Variants in CMTM8 observed in about 807,000 individuals in gnomAD.
The protein encoded by CMTM8 is CKLF like MARVEL transmembrane domain containing 8.
Under a neutral mutation model 18.6 loss-of-function variants are expected in CMTM8, and 12 were observed. That is an observed-to-expected ratio of 0.65 (90% CI 0.41 to 1.05). The LOEUF is 1.05. Among genes scored for constraint, CMTM8 ranks in the 50% least tolerant of loss-of-function variants. The pLI, the probability that CMTM8 is intolerant of heterozygous loss-of-function variation, is 0.00. For missense variants in CMTM8, 217 were observed against 227.2 expected (o/e 0.95, Z 0.29); for synonymous variants, 87 against 90.6 (o/e 0.96, Z 0.23).
intron 1 of CMTM8, among the ~76,000 whole-genome samples, chr3:32,297,353 A>G (rs1220054499): frequency 2.0e-5 from 3 of 151,930 alleles, no homozygotes; most frequent in South Asian, 4.2e-4. Context: ...TAATTTTTGC[A>G]TTTTTTAGTA....
At chr3:32,288,049 A>G (rs1161581875) in intron 1 of CMTM8, among the ~76,000 whole-genome samples, 1 of 152,242 alleles carries the variant, frequency 6.6e-6, no homozygotes, top group Non-Finnish European at 1.5e-5. Flanking sequence ...GGATCATAAA[A>G]CTAAAGTTCT....
At chr3:32,323,856 A>G (rs1053644289) in intron 1 of CMTM8, among the ~76,000 whole-genome samples, 2 of 152,242 alleles carry the variant, frequency 1.3e-5, no homozygotes, top group African/African-American at 4.8e-5. Context: ...AAGTTGTTGC[A>G]GAGATTAATG....
At chr3:32,264,147 G>A (rs1400378384) in intron 1 of CMTM8, among the ~76,000 whole-genome samples, 1 of 152,166 alleles carries the variant, frequency 6.6e-6, no homozygotes, top group African/African-American at 2.4e-5. Flanking sequence ...ACACATAATT[G>A]TCAGATTCAC....
At chr3:32,348,524 T>A (rs985534274) in intron 1 of CMTM8, among the ~76,000 whole-genome samples, 2 of 118,022 alleles carry the variant, frequency 1.7e-5, no homozygotes, top group Non-Finnish European at 3.6e-5. Context: ...TCTCTCTTCC[T>A]GGAACTTTTT....
At chr3:32,291,572 C>G (rs1298136649) in intron 1 of CMTM8, among the ~76,000 whole-genome samples, 1 of 152,150 alleles carries the variant, frequency 6.6e-6, no homozygotes, top group Non-Finnish European at 1.5e-5. Context: ...AGTAACTTAT[C>G]CAAAGCTACA....
At chr3:32,323,548 T>A (rs906181920) in intron 1 of CMTM8, among the ~76,000 whole-genome samples, 41 of 152,248 alleles carry the variant, frequency 2.7e-4, no homozygotes, top group Non-Finnish European at 5.1e-4. Context: ...AGTTACCTGT[T>A]GTTCTTGGAC....
At chr3:32,306,415 T>C (rs144708735) in intron 1 of CMTM8, among the ~76,000 whole-genome samples, 228 of 152,260 alleles carry the variant, frequency 1.5e-3, no homozygotes, top group African/African-American at 5.4e-3. Context: ...ACTCCACCAC[T>C]TGATGGGAGG....
intron 1 of CMTM8, among the ~76,000 whole-genome samples, chr3:32,256,610 G>A (rs949631751): frequency 6.6e-6 from 1 of 152,198 alleles, no homozygotes; most frequent in Non-Finnish European, 1.5e-5. Flanking sequence ...CTTATGAAAG[G>A]CAGTTTTGTA....
chr3:32,239,089 C>G lies in CMTM8; in HGVS notation c.117C>G (p.Thr39=). Residue 39 remains threonine (T), a synonymous_variant, in exon 1 of 4, where the codon ACC becomes ACG. Coordinates refer to ENST00000307526, the MANE Select transcript of CMTM8 (RefSeq NM_178868.5). Reference sequence around the variant, plus strand: ...CCTACGACCGGGAGTTCCTCCGCACCCTGCCCGGCTTCCTCATCGTGGCCG... The same window carrying G: ...CCTACGACCGGGAGTTCCTCCGCACGCTGCCCGGCTTCCTCATCGTGGCCG... The part of the protein sequence containing the change: ...SFAYDREFLR[T]LPGFLIVAEI... 1.2e-6 allele frequency: 2 copies of G among 1,601,464 alleles called. No homozygotes were observed. The highest frequency in any genetic ancestry group is 1.7e-5 in the Admixed American group (1 of 58,746).
At chr3:32,349,468 T>C (rs1339288893) in intron 1 of CMTM8, among the ~76,000 whole-genome samples, 1 of 152,170 alleles carries the variant, frequency 6.6e-6, no homozygotes, top group Non-Finnish European at 1.5e-5. Flanking sequence ...TCCACTATAA[T>C]GTTCAGACCT....
intron 1 of CMTM8, among the ~76,000 whole-genome samples, chr3:32,316,743 G>A (rs1362657600): frequency 2.0e-5 from 3 of 152,150 alleles, no homozygotes; most frequent in East Asian, 3.9e-4. Flanking sequence ...ATTTGGGAGT[G>A]AGATGGGAAG....
At chr3:32,255,187 G>A (rs1702161119) in intron 1 of CMTM8, among the ~76,000 whole-genome samples, 1 of 151,842 alleles carries the variant, frequency 6.6e-6, no homozygotes, top group South Asian at 2.1e-4. Flanking sequence ...GTTTGTTTCT[G>A]CCTTTTAACT....
rs771943263 is a variant in CMTM8, at chr3:32,275,644, C to CTTT, written c.147+36545_147+36547dup. On this transcript the variant is annotated intron_variant, in intron 1 of 3. Transcript: ENST00000307526. ...AGCACAAAGGCCCCCCATGTACTTCCTTTTTTTTTTTTTTTTTTTTTTGGG... is the reference window on the plus strand; with the variant it reads ...AGCACAAAGGCCCCCCATGTACTTCCTTTTTTTTTTTTTTTTTTTTTTTTTGGG... Among the ~76,000 whole-genome samples the CTTT allele has an allele frequency of 1.3e-3, 99 of 78,050 alleles. 1 individual carries two copies. The highest frequency in any genetic ancestry group is 2.0e-3 in the East Asian group (5 of 2,440). The allele number at this position is 78,050 out of a possible 152,430, so 51.2% of individuals were successfully genotyped here. A position where few individuals can be genotyped will look rare whatever the true frequency, so the allele number is the denominator to read the frequency against.
At chr3:32,298,537 A>G (rs922976519) in intron 1 of CMTM8, among the ~76,000 whole-genome samples, 1 of 149,196 alleles carries the variant, frequency 6.7e-6, no homozygotes, top group African/African-American at 2.5e-5. Context: ...TCCTTGCTAG[A>G]TATTTTTCTT....
At chr3:32,366,641 G>T (rs1189626685) in intron 2 of CMTM8, among the ~76,000 whole-genome samples, 1 of 152,204 alleles carries the variant, frequency 6.6e-6, no homozygotes, top group Non-Finnish European at 1.5e-5. Context: ...AGTATTAGTG[G>T]CAAGACAAGA....
intron 1 of CMTM8, among the ~76,000 whole-genome samples, chr3:32,242,950 T>C (rs1701962232): frequency 6.6e-6 from 1 of 151,814 alleles, no homozygotes; most frequent in Admixed American, 6.6e-5. Context: ...GGAATTGCAG[T>C]AGTGCAATCC....
At chr3:32,341,917 T>C (rs1277472712) in intron 1 of CMTM8, among the ~76,000 whole-genome samples, 1 of 151,938 alleles carries the variant, frequency 6.6e-6, no homozygotes, top group Non-Finnish European at 1.5e-5. Flanking sequence ...TAACTCACTG[T>C]GCCTTGGTTT....
chr3:32,337,121 A>G (rs1696404387), intron 1 of CMTM8, among the ~76,000 whole-genome samples: 1 of 152,176 alleles, frequency 6.6e-6, no homozygotes, highest in South Asian at 2.1e-4. Flanking sequence ...TGAATGGATT[A>G]ATCCATTTGT....
chr3:32,317,214 A>C (rs569336073), intron 1 of CMTM8, among the ~76,000 whole-genome samples: 1 of 152,254 alleles, frequency 6.6e-6, no homozygotes, highest in South Asian at 2.1e-4. Flanking sequence ...TAAGTCTGTC[A>C]ATACATGGAA....
Sources: allele counts gnomAD v4.1 joint callset (sites outside exome capture counted in the v4.1 genomes callset), GRCh38; gene constraint gnomAD v4.1.1; transcripts MANE v1.5; gene names NCBI Gene and HGNC (gene_info 2026-07-23, HGNC 2026-07-21).